Variants in UBE2D2 observed in about 807,000 individuals in gnomAD.
UBE2D2 encodes the protein ubiquitin conjugating enzyme E2 D2.
UBE2D2 carries 2 observed loss-of-function variants against 24.2 expected under a neutral mutation model. The observed-to-expected ratio is 0.08, with a 90% CI of 0.03 to 0.26. UBE2D2 has a LOEUF of 0.26. Among genes scored for constraint, UBE2D2 ranks in the 10% least tolerant of loss-of-function variants. The pLI is 1.00. For missense variants in UBE2D2, 44 were observed against 177.6 expected (o/e 0.25, Z 4.28); for synonymous variants, 58 against 56.5 (o/e 1.03, Z -0.12).
chr5:139,607,037 C>T (rs1347437105), intron 2 of UBE2D2, among the ~76,000 whole-genome samples: 1 of 152,188 alleles, frequency 6.6e-6, no homozygotes, highest in Non-Finnish European at 1.5e-5. Context: ...AACTCCTGAC[C>T]TCGTGATTGG....
At chr5:139,592,107 CAGG>C (rs994622293) in intron 1 of UBE2D2, among the ~76,000 whole-genome samples, 5 of 152,094 alleles carry the variant, frequency 3.3e-5, no homozygotes, top group African/African-American at 1.2e-4. Context: ...GAGGCTGAGG[CAGG>C]AGAATTGCTT....
intron 2 of UBE2D2, among the ~76,000 whole-genome samples, chr5:139,609,208 A>G (rs890205780): frequency 6.6e-5 from 10 of 152,008 alleles, no homozygotes; most frequent in Non-Finnish European, 1.5e-4. Context: ...TTAGTACCTA[A>G]ATGGTTAATG....
At chr5:139,540,769 T>G (rs1188673718) in intron 1 of UBE2D2, among the ~76,000 whole-genome samples, 1 of 152,098 alleles carries the variant, frequency 6.6e-6, no homozygotes, top group Non-Finnish European at 1.5e-5. Flanking sequence ...GGTGGGCGGA[T>G]CACCTGAGGT....
At chr5:139,580,307 C>A (rs572987027) in intron 1 of UBE2D2, among the ~76,000 whole-genome samples, 2 of 151,982 alleles carry the variant, frequency 1.3e-5, no homozygotes, top group South Asian at 4.2e-4. Flanking sequence ...TCAAGTGTTA[C>A]GCCCACCTCA....
intron 1 of UBE2D2, among the ~76,000 whole-genome samples, chr5:139,544,642 T>G (rs1049373319): frequency 6.6e-6 from 1 of 151,534 alleles, no homozygotes; most frequent in Non-Finnish European, 1.5e-5. Context: ...CCCCAAAATT[T>G]TATGAAGATT....
At chr5:139,565,086 C>T (rs1429502373) in intron 1 of UBE2D2, among the ~76,000 whole-genome samples, 1 of 152,048 alleles carries the variant, frequency 6.6e-6, no homozygotes, top group African/African-American at 2.4e-5. Context: ...ATTATCATTC[C>T]CTGAAAAAAT....
At chr5:139,611,703 T>A (rs1754323904) in intron 2 of UBE2D2, among the ~76,000 whole-genome samples, 1 of 152,086 alleles carries the variant, frequency 6.6e-6, no homozygotes, top group Non-Finnish European at 1.5e-5. Flanking sequence ...CCAGAAAAAA[T>A]TTACAGGTAT....
chr5:139,621,455 C>A (rs1754512496), intron 5 of UBE2D2, among the ~76,000 whole-genome samples: 1 of 152,144 alleles, frequency 6.6e-6, no homozygotes, highest in African/African-American at 2.4e-5. Flanking sequence ...TGACCATCCC[C>A]ATTTAGGGGC....
chr5:139,620,797 CTT>C (rs1358180859), intron 5 of UBE2D2, among the ~76,000 whole-genome samples: 1 of 152,164 alleles, frequency 6.6e-6, no homozygotes, highest in Non-Finnish European at 1.5e-5. Context: ...GTTATTATCT[CTT>C]GGTACAGAAC....
At position 139,614,927 on chromosome 5, in the gene UBE2D2, C is replaced by T; in HGVS notation, c.265C>T (p.Leu89=). The change falls in exon 5 of 7, where the codon CTA becomes TTA. Residue 89 remains leucine, a synonymous_variant. Transcript: ENST00000398733. ...TAATGGCAGCATTTGTCTTGATATT[C>T]TACGATCACAGTGGTCTCCAGCACT... ...NSNGSICLDI[L]RSQWSPALTI... is the part of the protein sequence containing the mutation. 6.2e-7 allele frequency: 1 copy of T among 1,613,916 alleles called. No individual in the cohort carries two copies. Among genetic ancestry groups the T allele is most frequent in the Non-Finnish European group, 8.5e-7 (1 of 1,179,934 alleles).
intron 1 of UBE2D2, among the ~76,000 whole-genome samples, chr5:139,593,099 AT>A (rs984798649): frequency 1.8e-4 from 25 of 139,494 alleles, no homozygotes; most frequent in African/African-American, 6.5e-4. Context: ...GGGTTCAAGT[AT>A]TTCTCCTCCC....
In UBE2D2 at chr5:139,596,842, C is replaced by T. The variant is rs573380134; in HGVS notation, c.25-3530C>T. On this transcript the variant is annotated intron_variant, in intron 1 of 6. Coordinates refer to ENST00000398733, the MANE Select transcript of UBE2D2 (RefSeq NM_003339.3). ...TGGGCAGATCACGAGGTCAGGAGAT[C>T]GAGACCATCCTGCTAACACGGTGAA... 5.3e-5 allele frequency among the ~76,000 whole-genome samples: 8 copies of T among 151,848 alleles called. No individual in the cohort carries two copies. The East Asian group carries it at 1.2e-3, about 22-fold the overall frequency.
At chr5:139,591,623 G>T (rs1753848333) in intron 1 of UBE2D2, among the ~76,000 whole-genome samples, 1 of 152,136 alleles carries the variant, frequency 6.6e-6, no homozygotes, top group Admixed American at 6.6e-5. Context: ...AAATGAGAGT[G>T]CTAAGGGATT....
At position 139,555,034 on chromosome 5, in the gene UBE2D2, A is replaced by AT. The variant is rs544953936; in HGVS notation, c.-64+28431dup. ...GTGACTTTAACTTGCATTTCCTCTT[A>AT]TTTTTTTTTGTTTTTTGTTTTTTTT... On this transcript the variant is annotated intron_variant, in intron 1 of 6. Coordinates refer to the UBE2D2 transcript ENST00000511725. 9.3e-3 allele frequency: 1,339 copies of AT among 144,578 alleles called. 6 individuals carry two copies. The highest frequency in any genetic ancestry group is 0.034 in the South Asian group (155 of 4,578). The allele number at this position is 144,578 out of a possible 1,614,324, so 9.0% of individuals were successfully genotyped here. A position where few individuals can be genotyped will look rare whatever the true frequency, so the allele number is the denominator to read the frequency against.
upstream of UBE2D2, among the ~76,000 whole-genome samples, chr5:139,558,714 A>C (rs1224951347): frequency 6.6e-6 from 1 of 152,206 alleles, no homozygotes; most frequent in East Asian, 1.9e-4. Flanking sequence ...CATTAACCAA[A>C]TGTCAAAAGT....
chr5:139,591,568 T>G (rs1338168938), intron 1 of UBE2D2, among the ~76,000 whole-genome samples: 4 of 152,160 alleles, frequency 2.6e-5, no homozygotes, highest in Admixed American at 6.6e-5. Context: ...TTGTCTGTCT[T>G]TATACTAGAA....
At chr5:139,554,258 T>G (rs1420419263) in intron 1 of UBE2D2, among the ~76,000 whole-genome samples, 1 of 152,070 alleles carries the variant, frequency 6.6e-6, no homozygotes, top group African/African-American at 2.4e-5. Context: ...GGCTTCAAAC[T>G]CCTGGGCTCA....
At chr5:139,541,446 A>G (rs940648064) in intron 1 of UBE2D2, among the ~76,000 whole-genome samples, 2 of 151,288 alleles carry the variant, frequency 1.3e-5, no homozygotes, top group Non-Finnish European at 2.9e-5. Context: ...CTAAGAATAC[A>G]AAAATTAGCC....
chr5:139,569,816 C>T (rs1427609660), intron 1 of UBE2D2, among the ~76,000 whole-genome samples: 1 of 152,154 alleles, frequency 6.6e-6, no homozygotes, highest in East Asian at 1.9e-4. Context: ...ATGTGTTATC[C>T]TTACATAGCT....
Sources: gnomAD v4.1 joint callset for allele counts (sites outside exome capture counted in the v4.1 genomes callset) on GRCh38, gnomAD v4.1.1 for gene constraint, MANE v1.5 for transcripts, NCBI Gene and HGNC (gene_info 2026-07-23, HGNC 2026-07-21) for gene names.